The following RBBP7 variants were observed in gnomAD, a reference collection of about 807,000 sequenced individuals.
RBBP7 encodes the protein RB binding protein 7, chromatin remodeling factor.
A neutral mutation model predicts 35.2 loss-of-function variants in RBBP7; 5 were observed. The observed-to-expected ratio is 0.14, with a 90% CI of 0.07 to 0.30. The LOEUF (loss-of-function observed/expected upper bound fraction) is 0.30, where lower values mean the gene tolerates loss of function less well. Ranked by LOEUF, RBBP7 falls within the 10% of genes least tolerant of loss-of-function variation. The pLI is 1.00. For synonymous variants in RBBP7, 140 were observed against 118.7 expected (o/e 1.18, Z -1.17); for missense variants, 155 against 327.5 (o/e 0.47, Z 4.07).
intron 6 of RBBP7, 156 bp downstream of exon 6, chrX:16,853,526 G>A (rs1321679284): frequency 2.3e-6 from 1 of 427,720 alleles, no homozygotes; most frequent in African/African-American, 2.6e-5. Flanking sequence ...TCCTGCCTCA[G>A]CTTCCCAAGG....
At chrX:16,859,180 C>T (rs1930412636) in intron 3 of RBBP7, among the ~76,000 whole-genome samples, 1 of 112,382 alleles carries the variant, frequency 8.9e-6, no homozygotes, top group South Asian at 3.6e-4. Context: ...AATAAGCAGA[C>T]CAATAGCTTT....
intron 2 of RBBP7, 111 bp downstream of exon 2, chrX:16,868,965 C>A (rs1364359741): frequency 4.8e-6 from 4 of 838,561 alleles, no homozygotes; most frequent in Non-Finnish European, 6.6e-6. Context: ...CACCTGCCAC[C>A]TCATGCAAGG....
rs371669750 is a variant in RBBP7 at position 16,870,080 on chromosome X, C to A, written c.-27G>T. ...TTGCGTCGGGTCGTTCGCCCCTCGCCGCCGCCTCGGACTCCTCTCGTTAGC... is the reference window on the plus strand; with the variant it reads ...TTGCGTCGGGTCGTTCGCCCCTCGCAGCCGCCTCGGACTCCTCTCGTTAGC... On this transcript the variant is annotated 5_prime_UTR_variant, in exon 1 of 12. Transcript: ENST00000380087. 5.4e-5 allele frequency: 59 copies of A among 1,085,342 alleles called. No homozygotes were observed. Among genetic ancestry groups the A allele is most frequent in the Non-Finnish European group, 7.0e-5 (58 of 824,354 alleles). 89.4% of individuals were successfully genotyped at this position (1,085,342 alleles called of 1,213,427 possible).
intron 1 of RBBP7, 43 bp downstream of exon 1, chrX:16,869,994 GC>G: frequency 7.8e-6 from 6 of 765,816 alleles, no homozygotes; most frequent in Middle Eastern, 6.8e-4. Context: ...CGCGCCCGCC[GC>G]CCCCCGCGGC....
intron 5 of RBBP7, among the ~76,000 whole-genome samples, chrX:16,855,014 G>T (rs1200569132): frequency 4.0e-5 from 4 of 100,052 alleles, no homozygotes; most frequent in African/African-American, 1.1e-4. Context: ...TTCATAGCAC[G>T]TGATCATGAA....
chrX:16,852,462 A>G, intron 8 of RBBP7, 89 bp downstream of exon 8: 12 of 980,804 alleles, frequency 1.2e-5, no homozygotes, highest in Non-Finnish European at 1.8e-5. Context: ...ATTTTTTTCA[A>G]TAGTGGACCC....
Position 16,852,763 on chromosome X carries a change from C to T in RBBP7, c.871G>A (p.Gly291Ser). ...NPYSEFILAT[G>S]SADKTVALWD... ...AACTTCGAAACCTTATCCGCAGAGC[C>T]GGTGGCTAGAATAAATTCGCTGTAG... Residue 291 changes from glycine to serine, a missense_variant, in exon 7 of 12, where the codon GGC becomes AGC. Physicochemically the swap from Gly to Ser is moderately conservative, Grantham distance 56. Transcript: ENST00000380087. The T allele has an allele frequency of 8.2e-7, 1 of 1,212,160 alleles. No individual in the cohort carries two copies. Among genetic ancestry groups the T allele is most frequent in the East Asian group, 3.0e-5 (1 of 33,862 alleles).
In RBBP7 at chrX:16,870,159, C is replaced by T. The variant is rs995075571; in HGVS notation, c.-106G>A. 12 of 960,724 alleles carry T rather than the reference C, an allele frequency of 1.2e-5. No individual in the cohort carries two copies. In the African/African-American group the frequency reaches 2.5e-4, roughly 20 times the overall value. 79.2% of individuals were successfully genotyped at this position (960,724 alleles called of 1,213,427 possible). On this transcript the variant is annotated 5_prime_UTR_variant, in exon 1 of 12. Coordinates refer to ENST00000380087, the MANE Select transcript of RBBP7 (RefSeq NM_002893.4). Reference sequence around the variant, plus strand: ...GCCTTTCCCAAGCGCGTCACACTCCCCACTGTCGAAAGCCCGGGCCCCGTC... The same window carrying T: ...GCCTTTCCCAAGCGCGTCACACTCCTCACTGTCGAAAGCCCGGGCCCCGTC...
intron 2 of RBBP7, among the ~76,000 whole-genome samples, chrX:16,867,928 G>C (rs1416751223): frequency 2.8e-5 from 3 of 108,900 alleles, no homozygotes; most frequent in Non-Finnish European, 5.7e-5. Flanking sequence ...CAGGCAATCC[G>C]CCTGCCTCGG....
intron 2 of RBBP7, among the ~76,000 whole-genome samples, chrX:16,867,951 C>T (rs770556339): frequency 9.0e-6 from 1 of 111,240 alleles, no homozygotes; most frequent in Non-Finnish European, 1.9e-5. Flanking sequence ...TCCCGAAGTG[C>T]TACGATTACA....
chrX:16,858,751 G>A lies in RBBP7; in HGVS notation c.406C>T (p.Pro136Ser). ...VNRARYMPQN[P>S]HIIATKTPSS... is the part of the protein sequence containing the mutation. ...GGTGTTTTTGTAGCAATGATGTGAG[G>A]ATTCTGCGGCATGTAACGAGCACGG... is the stretch of plus-strand genomic sequence containing the variant. Residue 136 changes from proline to serine, a missense_variant, in exon 4 of 12, where the codon CCT becomes TCT. Around this residue, in one of 3 missense-constraint regions of RBBP7, gnomAD observed 79 missense variants for 220.8 expected, o/e 0.36. Coordinates refer to ENST00000380087, the MANE Select transcript of RBBP7 (RefSeq NM_002893.4). The A allele has an allele frequency of 3.3e-6, 4 of 1,211,505 alleles. No homozygotes were observed. Among genetic ancestry groups the A allele is most frequent in the Non-Finnish European group, 4.5e-6 (4 of 895,512 alleles).
intron 2 of RBBP7, among the ~76,000 whole-genome samples, chrX:16,867,807 T>C (rs1372728403): frequency 9.1e-6 from 1 of 109,507 alleles, no homozygotes; most frequent in African/African-American, 3.3e-5. Flanking sequence ...CTGTAGCCTG[T>C]AGCTAGGACT....
intron 6 of RBBP7, chrX:16,853,081 T>C: frequency 2.1e-6 from 1 of 483,554 alleles, no homozygotes; most frequent in Admixed American, 4.4e-5. Flanking sequence ...TTAGTCCTGT[T>C]TTTTAAATTA....
Position 16,844,945 on chromosome X carries a change from T to C in RBBP7, c.*90A>G. On this transcript the variant is annotated 3_prime_UTR_variant, in exon 12 of 12. Transcript: ENST00000380087. ...GAAGCCATAAGCCACCCCACTTACA[T>C]TTCCTACTATACAATGCCTTTTTGG... 3.6e-6 allele frequency: 3 copies of C among 828,318 alleles called. No individual in the cohort carries two copies. Among genetic ancestry groups the C allele is most frequent in the South Asian group, 2.3e-5 (1 of 43,073 alleles). The allele number at this position is 828,318 out of a possible 1,213,427, so 68.3% of individuals were successfully genotyped here.
Position 16,866,026 on chromosome X carries a change from T to C in RBBP7, c.162-2926A>G, listed in dbSNP as rs185203504. ...ACGCTGGCAAGGATGGGTTAGGAAATTGAAAACAATGACTGGGGAAAGGAA... is the reference window on the plus strand; with the variant it reads ...ACGCTGGCAAGGATGGGTTAGGAAACTGAAAACAATGACTGGGGAAAGGAA... On this transcript the variant is annotated intron_variant, in intron 2 of 11. Coordinates refer to ENST00000380087, the MANE Select transcript of RBBP7 (RefSeq NM_002893.4). Among the ~76,000 whole-genome samples, 3 of 111,576 alleles carry C rather than the reference T, an allele frequency of 2.7e-5. No individual in the cohort carries two copies. In the Admixed American group the frequency reaches 2.9e-4, roughly 11 times the overall value.
rs1930237839 is a variant in RBBP7 at position 16,852,625 on chromosome X, C to T, written c.889G>A (p.Val297Ile). The stretch of plus-strand genomic sequence containing the variant: ...AAGTTACGCAGATCCCATAAAGCTA[C>T]GGTCTAAAGAAAAATAACAAGTGAA... The part of the protein sequence containing the change: ...ILATGSADKT[V>I]ALWDLRNLKL... The change falls in exon 8 of 12, where the codon GTA (valine) becomes ATA (isoleucine). Residue 297 changes from valine to isoleucine, a missense_variant. Transcript: ENST00000380087. 2.5e-6 allele frequency: 3 copies of T among 1,209,297 alleles called. No homozygotes were observed. Among genetic ancestry groups the T allele is most frequent in the East Asian group, 3.0e-5 (1 of 33,848 alleles).
chrX:16,852,643 C>T lies in RBBP7; in HGVS notation c.886-15G>A, dbSNP rs749468933. 1.4e-5 allele frequency: 17 copies of T among 1,207,005 alleles called. No homozygotes were observed. The highest frequency in any genetic ancestry group is 1.9e-5 in the Non-Finnish European group (17 of 893,637). On this transcript the variant is annotated splice_polypyrimidine_tract_variant and intron_variant, in intron 7 of 11. Transcript: ENST00000380087. The stretch of plus-strand genomic sequence containing the variant: ...AAAGCTACGGTCTAAAGAAAAATAA[C>T]AAGTGAAAATGATTTCTATGCTTTA...
At chrX:16,867,983 C>A (rs1930668639) in intron 2 of RBBP7, among the ~76,000 whole-genome samples, 1 of 112,018 alleles carries the variant, frequency 8.9e-6, no homozygotes, top group African/African-American at 3.3e-5. Flanking sequence ...CCGCACCCAG[C>A]CAAAATTAGC....
intron 5 of RBBP7, among the ~76,000 whole-genome samples, chrX:16,855,494 G>C (rs923722305): frequency 2.7e-5 from 3 of 112,186 alleles, no homozygotes; most frequent in Non-Finnish European, 5.6e-5. Context: ...GAACTGAAGA[G>C]AAAGGAACAT....
Sources: gnomAD v4.1 joint callset for allele counts (sites outside exome capture counted in the v4.1 genomes callset) on GRCh38, gnomAD v4.1.1 for gene constraint, gnomAD v4.1.1 regional missense constraint, MANE v1.5 for transcripts, NCBI Gene and HGNC (gene_info 2026-07-23, HGNC 2026-07-21) for gene names.